Variants in UGGT2 observed in about 807,000 individuals in gnomAD.
UGGT2 encodes the protein UDP-glucose:glycoprotein glucosyltransferase 2.
In UGGT2, 180 loss-of-function variants were observed where a neutral mutation model predicts 192.1. The ratio of observed to expected loss-of-function variants is 0.94; its 90% CI spans 0.83 to 1.06. The LOEUF (loss-of-function observed/expected upper bound fraction) is 1.06, where lower values mean the gene tolerates loss of function less well. Ranked by LOEUF, UGGT2 falls within the 50% of genes least tolerant of loss-of-function variation. The probability of loss-of-function intolerance (pLI) is 0.00; values close to 1 mark genes in which losing one functional copy is unlikely to be tolerated. For missense variants in UGGT2, 1,849 were observed against 1,795.7 expected, an observed-to-expected ratio of 1.03 and a Z score of -0.54; for synonymous variants, 580 against 591.0, an observed-to-expected ratio of 0.98 and a Z score of 0.27.
chr13:95,927,362 A>G (rs1039683754), intron 17 of UGGT2, 26 bp from the exon 18 acceptor site: 1 of 1,570,314 alleles, frequency 6.4e-7, no homozygotes, highest in Non-Finnish European at 8.6e-7. Flanking sequence ...TGTTATTTAG[A>G]TAATACAGGC....
intron 38 of UGGT2, among the ~76,000 whole-genome samples, chr13:95,820,263 T>A (rs1885370794): frequency 6.6e-6 from 1 of 152,144 alleles, no homozygotes; most frequent in African/African-American, 2.4e-5. Context: ...AAAACATAAT[T>A]TGCCAAAACT....
chr13:96,012,619 TTAGATTAAATATTAGTA>T (rs1272493517), intron 5 of UGGT2, among the ~76,000 whole-genome samples: 5 of 152,082 alleles, frequency 3.3e-5, no homozygotes, highest in African/African-American at 1.2e-4. Flanking sequence ...AAGGTTTTAA[TTAGATTAAATATTAGTA>T]TATAAATCTT....
At chr13:95,851,901 T>C (rs1889089342) in intron 36 of UGGT2, among the ~76,000 whole-genome samples, 1 of 149,728 alleles carries the variant, frequency 6.7e-6, no homozygotes, top group African/African-American at 2.4e-5. Context: ...AAGAATTCCT[T>C]AAAAATACAT....
chr13:95,974,763 A>G (rs1164966914), intron 10 of UGGT2, among the ~76,000 whole-genome samples: 1 of 152,168 alleles, frequency 6.6e-6, no homozygotes, highest in African/African-American at 2.4e-5. Flanking sequence ...TTTCTTACTA[A>G]AAGTATCAAA....
In UGGT2 at chr13:96,031,873, T is replaced by C; in HGVS notation, c.241+16A>G. ...TAAATACAAATCTTACAAGTTAAAA[T>C]TTACATATCACCTACCTGTTTGCTT... On this transcript the variant is annotated intron_variant, in intron 2 of 38. Transcript: ENST00000376747. 1 of 1,578,782 alleles carries C rather than the reference T, an allele frequency of 6.3e-7. No individual in the cohort carries two copies. Among genetic ancestry groups the C allele is most frequent in the African/African-American group, 1.4e-5 (1 of 73,894 alleles).
At chr13:95,853,231 T>A (rs965640272) in intron 36 of UGGT2, among the ~76,000 whole-genome samples, 1 of 152,208 alleles carries the variant, frequency 6.6e-6, no homozygotes, top group Non-Finnish European at 1.5e-5. Context: ...CTTTCCTTTA[T>A]AAATTACCCA....
Position 95,833,183 on chromosome 13 carries a change from T to A in UGGT2, c.4402-130A>T, listed in dbSNP as rs183383790. The A allele has an allele frequency of 1.1e-5, 10 of 951,058 alleles. No individual in the cohort carries two copies. In the East Asian group the frequency reaches 2.0e-4, roughly 19 times the overall value. The allele number at this position is 951,058 out of a possible 1,614,324, so 58.9% of individuals were successfully genotyped here. A position where few individuals can be genotyped will look rare whatever the true frequency, so the allele number is the denominator to read the frequency against. ...GTCCTACTAAGTACTGGAAGTTTAA[T>A]ACACACAGGATCAGGTGAAATGATA... On this transcript the variant is annotated intron_variant, in intron 37 of 38. Transcript: ENST00000376747.
Position 95,861,013 on chromosome 13 carries a change from T to C in UGGT2, c.3645-130A>G, listed in dbSNP as rs146714428. Reference sequence around the variant, plus strand: ...GTTAAGCTATAAACACTCTATAATATTTACAAACTAATATTAAAATATTTG... The same window carrying C: ...GTTAAGCTATAAACACTCTATAATACTTACAAACTAATATTAAAATATTTG... On this transcript the variant is annotated intron_variant, in intron 31 of 38. Coordinates refer to ENST00000376747, the MANE Select transcript of UGGT2 (RefSeq NM_020121.4). 1.6e-3 allele frequency: 657 copies of C among 423,340 alleles called. 3 individuals are homozygous for C. Among genetic ancestry groups the C allele is most frequent in the African/African-American group, 0.013 (615 of 48,700 alleles). The allele number at this position is 423,340 out of a possible 1,614,324, so 26.2% of individuals were successfully genotyped here.
chr13:96,030,911 G>C (rs2052813595), intron 2 of UGGT2, among the ~76,000 whole-genome samples: 2 of 152,092 alleles, frequency 1.3e-5, no homozygotes, highest in African/African-American at 4.8e-5. Flanking sequence ...GACTTTTTGA[G>C]GTATTAAAAG....
intron 10 of UGGT2, among the ~76,000 whole-genome samples, chr13:95,974,873 G>A (rs943723223): frequency 6.6e-6 from 1 of 152,082 alleles, no homozygotes; most frequent in Non-Finnish European, 1.5e-5. Context: ...CTTGAGGTCA[G>A]GAGTATGAGA....
At chr13:95,998,290 T>C (rs941541416) in intron 6 of UGGT2, among the ~76,000 whole-genome samples, 1 of 152,224 alleles carries the variant, frequency 6.6e-6, no homozygotes, top group African/African-American at 2.4e-5. Flanking sequence ...ATTGCTATCG[T>C]GACTACAAGA....
chr13:95,870,142 C>A (rs1374861146), intron 29 of UGGT2, among the ~76,000 whole-genome samples: 1 of 152,032 alleles, frequency 6.6e-6, no homozygotes, highest in East Asian at 1.9e-4. Context: ...AATTTTTAAA[C>A]CTTTGAGGAC....
At chr13:95,899,287 G>A (rs1011762426) in intron 22 of UGGT2, among the ~76,000 whole-genome samples, 1 of 152,170 alleles carries the variant, frequency 6.6e-6, no homozygotes, top group Non-Finnish European at 1.5e-5. Context: ...TTTTATAGCA[G>A]CATAAACATA....
chr13:95,838,707 CAAAG>C (rs932716830), intron 36 of UGGT2, among the ~76,000 whole-genome samples: 1 of 152,070 alleles, frequency 6.6e-6, no homozygotes, highest in Non-Finnish European at 1.5e-5. Flanking sequence ...GTCCGTTAAT[CAAAG>C]AAAGAAAAAC....
chr13:95,914,188 T>C (rs1164076639), intron 20 of UGGT2, among the ~76,000 whole-genome samples: 1 of 151,632 alleles, frequency 6.6e-6, no homozygotes, highest in East Asian at 1.9e-4. Flanking sequence ...ATGGCACATA[T>C]ATACCTATGT....
At chr13:95,837,529 A>G (rs1887430707) in intron 36 of UGGT2, among the ~76,000 whole-genome samples, 1 of 152,164 alleles carries the variant, frequency 6.6e-6, no homozygotes, top group Non-Finnish European at 1.5e-5. Flanking sequence ...TGCTCACATT[A>G]TGCCTGCAAT....
chr13:95,992,460 G>T (rs1429325301), intron 7 of UGGT2, among the ~76,000 whole-genome samples: 36 of 152,110 alleles, frequency 2.4e-4, no homozygotes, highest in Admixed American at 2.4e-3. Flanking sequence ...ATTGTAAATG[G>T]GATTGCCTGC....
At position 95,890,876 on chromosome 13, in the gene UGGT2, C is replaced by T. The variant is rs779154702; in HGVS notation, c.2944G>A (p.Ala982Thr). 1 of 1,611,470 alleles carries T rather than the reference C, an allele frequency of 6.2e-7. No individual in the cohort carries two copies. Among genetic ancestry groups the T allele is most frequent in the Non-Finnish European group, 8.5e-7 (1 of 1,178,768 alleles). Residue 982 changes from alanine (A) to threonine (T), a missense_variant, in exon 25 of 39, where the codon GCA becomes ACA. By Grantham distance (58) the Ala-to-Thr change is moderately conservative. Coordinates refer to ENST00000376747, the MANE Select transcript of UGGT2 (RefSeq NM_020121.4). ...DPLTREAQKM[A>T]QLLVVLGKII... ...TATTATCTTACAACCAACAACTGTG[C>T]CATTTTCTGTGCTTCTCTTGTTAAT...
chr13:95,834,833 G>T (rs958309138), intron 37 of UGGT2, among the ~76,000 whole-genome samples: 3 of 152,106 alleles, frequency 2.0e-5, no homozygotes, highest in Admixed American at 6.6e-5. Context: ...TAGGATTCAA[G>T]ATATATGTTC....
Sources: gnomAD v4.1 joint callset for allele counts (sites outside exome capture counted in the v4.1 genomes callset) on GRCh38, gnomAD v4.1.1 for gene constraint, MANE v1.5 for transcripts, NCBI Gene and HGNC (gene_info 2026-07-23, HGNC 2026-07-21) for gene names.